Variants in CEP128 observed in about 807,000 individuals in gnomAD.
The protein encoded by CEP128 is centrosomal protein 128, also known as centrosomal protein 128kDa.
A neutral mutation model predicts 156.7 loss-of-function variants in CEP128; 132 were observed. The ratio of observed to expected loss-of-function variants is 0.84; its 90% CI spans 0.73 to 0.97. The LOEUF is 0.97. CEP128 is among the 50% of genes least tolerant of loss of function. The probability of loss-of-function intolerance (pLI) is 0.00; values close to 1 mark genes in which losing one functional copy is unlikely to be tolerated. For missense variants in CEP128, 1,252 were observed against 1,281.9 expected, an observed-to-expected ratio of 0.98 and a Z score of 0.36; for synonymous variants, 469 against 448.9, an observed-to-expected ratio of 1.04 and a Z score of -0.57.
chr14:80,486,529 A>T (rs1049019515), downstream of CEP128, among the ~76,000 whole-genome samples: 47 of 151,760 alleles, frequency 3.1e-4, no homozygotes, highest in Non-Finnish European at 5.7e-4. Context: ...CGCCCCAAAG[A>T]TACTTCTCGA....
chr14:80,865,667 G>C (rs1352480099), intron 8 of CEP128, among the ~76,000 whole-genome samples: 1 of 152,042 alleles, frequency 6.6e-6, no homozygotes, highest in Non-Finnish European at 1.5e-5. Flanking sequence ...TTATTAGATT[G>C]CAAAAAACTG....
At chr14:80,775,561 G>A (rs1254995865) in intron 16 of CEP128, among the ~76,000 whole-genome samples, 2 of 152,166 alleles carry the variant, frequency 1.3e-5, no homozygotes, top group Non-Finnish European at 1.5e-5. Flanking sequence ...GTCAAGACTT[G>A]ACTACATAGT....
At chr14:80,558,754 T>C (rs1890547515) in intron 21 of CEP128, among the ~76,000 whole-genome samples, 1 of 152,226 alleles carries the variant, frequency 6.6e-6, no homozygotes, top group Non-Finnish European at 1.5e-5. Flanking sequence ...ATTGTATGCA[T>C]GTAGTCTTGA....
chr14:80,921,873 C>G (rs1017668328), intron 2 of CEP128, among the ~76,000 whole-genome samples: 2 of 151,336 alleles, frequency 1.3e-5, no homozygotes. Context: ...TGAGACAGGA[C>G]AATCACTTGA....
intron 8 of CEP128, among the ~76,000 whole-genome samples, chr14:80,871,499 G>A (rs1255500668): frequency 1.3e-5 from 2 of 152,060 alleles, no homozygotes; most frequent in African/African-American, 4.8e-5. Flanking sequence ...GATGGAATAT[G>A]ATGCCATTTC....
rs564913380 is a variant in CEP128 at position 80,895,795 on chromosome 14, G to C, written c.573-5C>G. ...CTTTTTGTTTCGGCATCTGACCTAG[G>C]AAGAAAAAAAAAAAAAAGATTTAAA... is the stretch of plus-strand genomic sequence containing the variant. On this transcript the variant is annotated splice_polypyrimidine_tract_variant and splice_region_variant and intron_variant, in intron 7 of 24. Transcript: ENST00000555265. 4.8e-5 allele frequency: 51 copies of C among 1,059,814 alleles called. No homozygotes were observed. Among genetic ancestry groups the C allele is most frequent in the Middle Eastern group, 2.6e-4 (1 of 3,810 alleles). The allele number at this position is 1,059,814 out of a possible 1,614,324, so 65.7% of individuals were successfully genotyped here. A position where few individuals can be genotyped will look rare whatever the true frequency, so the allele number is the denominator to read the frequency against.
chr14:80,666,443 C>A (rs1478372739), intron 19 of CEP128, among the ~76,000 whole-genome samples: 1 of 152,204 alleles, frequency 6.6e-6, no homozygotes, highest in East Asian at 1.9e-4. Flanking sequence ...AGGAAATCAA[C>A]AACACTCACA....
At chr14:80,640,823 C>T (rs1275803637) in intron 19 of CEP128, among the ~76,000 whole-genome samples, 1 of 152,132 alleles carries the variant, frequency 6.6e-6, no homozygotes, top group African/African-American at 2.4e-5. Flanking sequence ...GAAAACTTGG[C>T]CCACATATCT....
At chr14:80,657,348 T>C (rs948601598) in intron 19 of CEP128, among the ~76,000 whole-genome samples, 62 of 152,074 alleles carry the variant, frequency 4.1e-4, no homozygotes, top group African/African-American at 1.3e-3. Context: ...CACTAATAAA[T>C]GGAGATTAAA....
At chr14:80,656,631 T>C (rs1672165681) in intron 19 of CEP128, among the ~76,000 whole-genome samples, 2 of 151,966 alleles carry the variant, frequency 1.3e-5, no homozygotes, top group Non-Finnish European at 2.9e-5. Context: ...TTAGCTCTAG[T>C]CTATCTAAAT....
At chr14:80,777,755 T>G (rs1900872274) in intron 16 of CEP128, 127 bp downstream of exon 16, 1 of 692,954 alleles carries the variant, frequency 1.4e-6, no homozygotes, top group Non-Finnish European at 2.3e-6. Context: ...ACTGACTTTT[T>G]TGGGGGGCAC....
chr14:80,573,178 G>A (rs1156272206), intron 20 of CEP128, among the ~76,000 whole-genome samples: 8 of 151,760 alleles, frequency 5.3e-5, no homozygotes, highest in Admixed American at 5.3e-4. Flanking sequence ...ACCCACCTAG[G>A]CCTCTCAAAG....
chr14:80,526,968 T>C lies in CEP128; in HGVS notation c.2973A>G (p.Ser991=). The change falls in exon 23 of 25, where the codon TCA becomes TCG. Residue 991 remains serine, a synonymous_variant. Transcript: ENST00000555265. The part of the protein sequence containing the change: ...DFKDFRDSCS[S]SERTDGRYSK... Reference sequence around the variant, plus strand: ...AATATCTTCCATCAGTTCTCTCAGATGAACTGCAGGAATCCTGGAAAAAAA... The same window carrying C: ...AATATCTTCCATCAGTTCTCTCAGACGAACTGCAGGAATCCTGGAAAAAAA... The C allele has an allele frequency of 1.3e-6, 2 of 1,562,526 alleles. No homozygotes were observed. The highest frequency in any genetic ancestry group is 1.1e-5 in the South Asian group (1 of 88,202).
intron 14 of CEP128, 98 bp downstream of exon 14, chr14:80,792,662 A>G (rs1355165522): frequency 2.3e-6 from 2 of 881,112 alleles, no homozygotes; most frequent in Non-Finnish European, 3.6e-6. Context: ...CATATTGATT[A>G]TATGTACAGT....
chr14:80,556,946 A>T (rs2140359455), intron 21 of CEP128, among the ~76,000 whole-genome samples: 1 of 152,308 alleles, frequency 6.6e-6, no homozygotes, highest in South Asian at 2.1e-4. Context: ...TGTCATATGA[A>T]ATCAAAGGAC....
chr14:80,559,708 G>A lies in CEP128; in HGVS notation c.2857-406C>T, dbSNP rs988655879. 7.9e-5 allele frequency among the ~76,000 whole-genome samples: 12 copies of A among 152,224 alleles called. 4 individuals carry two copies. The highest frequency in any genetic ancestry group is 6.5e-4 in the Admixed American group (10 of 15,292). On this transcript the variant is annotated intron_variant, in intron 20 of 24. Transcript: ENST00000555265. ...TCTAGCTCTTAATTAGGTTTACAGCGAAAAATGTGGTCTCCACAACAAGCT... is the reference window on the plus strand; with the variant it reads ...TCTAGCTCTTAATTAGGTTTACAGCAAAAAATGTGGTCTCCACAACAAGCT...
chr14:80,731,328 C>T (rs1460791958), intron 19 of CEP128, among the ~76,000 whole-genome samples: 1 of 152,184 alleles, frequency 6.6e-6, no homozygotes, highest in Non-Finnish European at 1.5e-5. Context: ...CCCCCACTTC[C>T]CTCCCAGCCT....
intron 14 of CEP128, among the ~76,000 whole-genome samples, chr14:80,788,288 C>CTTTTTTTTTTTTTTTTTTTTTT (rs10628361): frequency 5.1e-5 from 5 of 97,256 alleles, no homozygotes; most frequent in Non-Finnish European, 7.6e-5. Context: ...TGGCCAGGAT[C>CTTTTTTTTTTTTTTTTTTTTTT]TTTTTTTTTT....
chr14:80,609,528 C>G (rs1331022458), intron 19 of CEP128, among the ~76,000 whole-genome samples: 1 of 152,150 alleles, frequency 6.6e-6, no homozygotes, highest in African/African-American at 2.4e-5. Flanking sequence ...TGGATTTGCA[C>G]TTTGCTTCAT....
Sources: gnomAD v4.1 joint callset for allele counts (sites outside exome capture counted in the v4.1 genomes callset) on GRCh38, gnomAD v4.1.1 for gene constraint, MANE v1.5 for transcripts, NCBI Gene and HGNC (gene_info 2026-07-23, HGNC 2026-07-21) for gene names.